DNAJB4: variants seen among roughly 807,000 people sequenced by gnomAD.
The protein encoded by DNAJB4 is DnaJ heat shock protein family (Hsp40) member B4.
A neutral mutation model predicts 26.6 loss-of-function variants in DNAJB4; 10 were observed. That is an observed-to-expected ratio of 0.38 (90% CI 0.23 to 0.64). DNAJB4 has a LOEUF of 0.64. Ranked by LOEUF, DNAJB4 falls within the 30% of genes least tolerant of loss-of-function variation. The pLI is 0.58. For missense variants in DNAJB4, 328 were observed against 408.2 expected (o/e 0.80, Z 1.69); for synonymous variants, 136 against 134.8 (o/e 1.01, Z -0.06).
At chr1:78,013,994 A>T (rs181141063) in intron 2 of DNAJB4, among the ~76,000 whole-genome samples, 344 of 152,172 alleles carry the variant, frequency 2.3e-3, no homozygotes, top group Non-Finnish European at 3.7e-3. Flanking sequence ...AATAATTTAT[A>T]ATTCACTACA....
chr1:77,979,885 TTTG>T (rs1659470203), upstream of DNAJB4, among the ~76,000 whole-genome samples: 1 of 143,680 alleles, frequency 7.0e-6, no homozygotes, highest in African/African-American at 2.9e-5. Flanking sequence ...AGGGTTTTTT[TTTG>T]TTTGTTTGTT....
chr1:78,005,952 A>G (rs1260377929), intron 1 of DNAJB4, among the ~76,000 whole-genome samples: 1 of 152,254 alleles, frequency 6.6e-6, no homozygotes, highest in East Asian at 1.9e-4. Context: ...TACCAGAACA[A>G]GTTTTTAGCT....
intron 1 of DNAJB4, among the ~76,000 whole-genome samples, chr1:78,012,794 G>A (rs1032683594): frequency 7.1e-6 from 1 of 140,822 alleles, no homozygotes; most frequent in Non-Finnish European, 1.6e-5. Flanking sequence ...GGGCAAACAA[G>A]AGCGAAACTC....
chr1:78,013,083 C>T lies in DNAJB4; in HGVS notation c.244C>T (p.Gln82Ter), dbSNP rs1487967610. The T allele has an allele frequency of 6.2e-7, 1 of 1,612,384 alleles. No homozygotes were observed. Among genetic ancestry groups the T allele is most frequent in the East Asian group, 2.2e-5 (1 of 44,856 alleles). Residue 82 changes from glutamine to a stop codon, truncating the protein, a stop_gained, in exon 2 of 3, where the codon CAA becomes TAA. Transcript: ENST00000370763. LOFTEE classifies it high-confidence loss of function. ...AGGAGGAGCAGGAGGTACTGATGGACAAGGAGGTACCTTCCGGTACACCTT... is the reference window on the plus strand; with the variant it reads ...AGGAGGAGCAGGAGGTACTGATGGATAAGGAGGTACCTTCCGGTACACCTT... ...LKGGAGGTDG[Q>*]GGTFRYTFHG...
intron 1 of DNAJB4, among the ~76,000 whole-genome samples, chr1:78,008,195 A>T (rs1660379527): frequency 6.6e-6 from 1 of 152,176 alleles, no homozygotes; most frequent in African/African-American, 2.4e-5. Flanking sequence ...CCTCTAGAAA[A>T]AGCAAAGGAA....
chr1:77,993,423 C>T (rs1415164608), intron 1 of DNAJB4, among the ~76,000 whole-genome samples: 1 of 152,118 alleles, frequency 6.6e-6, no homozygotes, highest in Non-Finnish European at 1.5e-5. Flanking sequence ...AAACAATTCT[C>T]CTGCCTCAGC....
At chr1:78,003,568 A>T (rs937224746), upstream of DNAJB4, among the ~76,000 whole-genome samples, 2 of 152,172 alleles carry the variant, frequency 1.3e-5, no homozygotes, top group African/African-American at 4.8e-5. Flanking sequence ...TTCTAAACAT[A>T]TATGTACATT....
intron 1 of DNAJB4, among the ~76,000 whole-genome samples, chr1:78,012,004 C>T (rs1196951629): frequency 1.4e-5 from 2 of 148,116 alleles, no homozygotes; most frequent in Non-Finnish European, 3.0e-5. Context: ...GATTTAAGTT[C>T]TGCACTTTGT....
chr1:78,002,261 A>G (rs541957272), upstream of DNAJB4, among the ~76,000 whole-genome samples: 1 of 152,124 alleles, frequency 6.6e-6, no homozygotes, highest in Non-Finnish European at 1.5e-5. Flanking sequence ...TGTCATAATT[A>G]TTTGCAGGAA....
chr1:78,002,874 TCTA>T (rs1660224968), upstream of DNAJB4, among the ~76,000 whole-genome samples: 1 of 152,190 alleles, frequency 6.6e-6, no homozygotes, highest in Non-Finnish European at 1.5e-5. Context: ...CTTTTCAGTG[TCTA>T]GGGAGCCAGA....
intron 1 of DNAJB4, among the ~76,000 whole-genome samples, chr1:78,010,515 A>C (rs945476244): frequency 2.0e-5 from 3 of 152,224 alleles, no homozygotes; most frequent in African/African-American, 7.2e-5. Flanking sequence ...TTCTACAAGG[A>C]ATTTCCCTAA....
Position 78,016,340 on chromosome 1 carries a change from A to G in DNAJB4, c.*93A>G, listed in dbSNP as rs1452867462. 1.8e-6 allele frequency: 2 copies of G among 1,094,908 alleles called. No individual in the cohort carries two copies. The highest frequency in any genetic ancestry group is 2.6e-6 in the Non-Finnish European group (2 of 764,124). The allele number at this position is 1,094,908 out of a possible 1,614,324, so 67.8% of individuals were successfully genotyped here. On this transcript the variant is annotated 3_prime_UTR_variant, in exon 3 of 3. Coordinates refer to ENST00000370763, the MANE Select transcript of DNAJB4 (RefSeq NM_007034.5). ...ATGTAGATGTGAATTCTGTATAAAGATGTGTAAATTCTTTTGAGGGTTCAT... is the reference window on the plus strand; with the variant it reads ...ATGTAGATGTGAATTCTGTATAAAGGTGTGTAAATTCTTTTGAGGGTTCAT...
intron 1 of DNAJB4, among the ~76,000 whole-genome samples, chr1:77,984,580 C>G (rs532319725): frequency 5.3e-5 from 8 of 152,092 alleles, no homozygotes; most frequent in Non-Finnish European, 1.0e-4. Flanking sequence ...GTTTCCCTGG[C>G]TAGATTGTAG....
intron 1 of DNAJB4, among the ~76,000 whole-genome samples, chr1:77,996,213 C>T (rs1318354319): frequency 6.6e-6 from 1 of 152,054 alleles, no homozygotes. Context: ...AATACAGTGG[C>T]ATGATCACGG....
chr1:77,985,894 C>T (rs1242977276), intron 1 of DNAJB4, among the ~76,000 whole-genome samples: 2 of 151,964 alleles, frequency 1.3e-5, no homozygotes, highest in Non-Finnish European at 2.9e-5. Context: ...CTTGAGCATG[C>T]TAGTGAGTGA....
chr1:77,985,771 A>G (rs1659776871), intron 1 of DNAJB4, among the ~76,000 whole-genome samples: 2 of 152,076 alleles, frequency 1.3e-5, no homozygotes, highest in South Asian at 2.1e-4. Context: ...CCTGGCATCT[A>G]GTAGGTCCTA....
In DNAJB4 at chr1:77,982,670, C is replaced by T. The variant is rs1222428036; in HGVS notation, c.-32+2348C>T. 4.6e-5 allele frequency among the ~76,000 whole-genome samples: 7 copies of T among 152,260 alleles called. No homozygotes were observed. In the South Asian group the frequency reaches 1.2e-3, roughly 27 times the overall value. ...AAAATTAGCTGGGCATGGTAGCGGA[C>T]GCCTGTAATCCCAGCTACTCGGGAG... is the stretch of plus-strand genomic sequence containing the variant. On this transcript the variant is annotated intron_variant, in intron 1 of 2. Coordinates refer to the DNAJB4 transcript ENST00000426517.
chr1:78,006,895 A>G (rs995716347), intron 1 of DNAJB4, among the ~76,000 whole-genome samples: 8 of 152,246 alleles, frequency 5.3e-5, no homozygotes, highest in Non-Finnish European at 2.9e-5. Context: ...CCTGTGAAAA[A>G]GCAGATATCC....
intron 1 of DNAJB4, among the ~76,000 whole-genome samples, chr1:78,008,734 T>C (rs1201016735): frequency 6.6e-6 from 1 of 152,160 alleles, no homozygotes; most frequent in African/African-American, 2.4e-5. Context: ...ATTTTATATA[T>C]GTAATAAATC....
Sources: allele counts gnomAD v4.1 joint callset (sites outside exome capture counted in the v4.1 genomes callset), GRCh38; gene constraint gnomAD v4.1.1; transcripts MANE v1.5; gene names NCBI Gene and HGNC (gene_info 2026-07-23, HGNC 2026-07-21).